ARHGAP8: variants seen among roughly 807,000 people sequenced by gnomAD.
ARHGAP8 encodes the protein Rho GTPase activating protein 8.
Under a neutral mutation model 46.1 loss-of-function variants are expected in ARHGAP8, and 62 were observed. The ratio of observed to expected loss-of-function variants is 1.34; its 90% confidence interval spans 1.10 to 1.66. ARHGAP8 has a LOEUF of 1.66. Among genes scored for constraint, ARHGAP8 ranks in the 40% most tolerant of loss-of-function variants. The pLI is 0.00. For missense variants in ARHGAP8, 923 were observed against 568.4 expected, an observed-to-expected ratio of 1.62 and a Z score of -6.34; for synonymous variants, 375 against 243.1, an observed-to-expected ratio of 1.54 and a Z score of -5.05.
At chr22:44,838,798 A>G (rs1422710638) in intron 7 of ARHGAP8, among the ~76,000 whole-genome samples, 1 of 152,178 alleles carries the variant, frequency 6.6e-6, no homozygotes, top group East Asian at 1.9e-4. Context: ...CCATTTGTTC[A>G]TCTGTGACAT....
At chr22:44,794,000 C>A (rs35007684) in intron 2 of ARHGAP8, among the ~76,000 whole-genome samples, 3,321 of 152,274 alleles carry the variant, frequency 0.022, 48 homozygotes, top group Non-Finnish European at 0.032. Context: ...CGAGGGAGGC[C>A]GGCCTCAGTG....
chr22:44,852,550 T>C (rs1173583527), intron 10 of ARHGAP8, among the ~76,000 whole-genome samples: 1 of 152,156 alleles, frequency 6.6e-6, no homozygotes, highest in Non-Finnish European at 1.5e-5. Flanking sequence ...TCTGGAACTT[T>C]CCCCAGGAAG....
intron 1 of ARHGAP8, among the ~76,000 whole-genome samples, chr22:44,769,552 G>A (rs1925845790): frequency 6.6e-6 from 1 of 152,326 alleles, no homozygotes; most frequent in African/African-American, 2.4e-5. Flanking sequence ...GAGAAGAGTT[G>A]ATATCGTTAA....
intron 8 of ARHGAP8, among the ~76,000 whole-genome samples, chr22:44,846,036 G>A (rs1317297852): frequency 6.6e-6 from 1 of 151,984 alleles, no homozygotes; most frequent in Non-Finnish European, 1.5e-5. Context: ...CACCACCAAG[G>A]CAGGGCTGGC....
intron 5 of ARHGAP8, 50 bp from the exon 6 acceptor site, chr22:44,822,321 T>C: frequency 6.6e-7 from 1 of 1,522,366 alleles, no homozygotes; most frequent in South Asian, 1.3e-5. Flanking sequence ...ACCCTCGGCC[T>C]CTCTGCTGGC....
rs570891794 is a variant in ARHGAP8 at position 44,857,500 on chromosome 22, G to A, written c.878-2231G>A. Among the ~76,000 whole-genome samples, 13 of 152,286 alleles carry A rather than the reference G, an allele frequency of 8.5e-5. No individual in the cohort carries two copies. The South Asian group carries it at 1.7e-3, about 19-fold the overall frequency. On this transcript the variant is annotated intron_variant, in intron 10 of 11. Transcript: ENST00000356099. ...AGTTGCACATGACATGGGTACCTTCGTAAGGAAACGAAGGCCCAGAGATCC... is the reference window on the plus strand; with the variant it reads ...AGTTGCACATGACATGGGTACCTTCATAAGGAAACGAAGGCCCAGAGATCC...
At chr22:44,828,246 C>T (rs956942860) in intron 7 of ARHGAP8, among the ~76,000 whole-genome samples, 2 of 152,152 alleles carry the variant, frequency 1.3e-5, no homozygotes, top group Non-Finnish European at 2.9e-5. Context: ...AATAGTACTT[C>T]CTTTTCCTTT....
chr22:44,780,823 T>C (rs1266363069), intron 1 of ARHGAP8, among the ~76,000 whole-genome samples: 1 of 152,220 alleles, frequency 6.6e-6, no homozygotes. Context: ...AGGATCATCC[T>C]CCTGGGTTGT....
intron 4 of ARHGAP8, among the ~76,000 whole-genome samples, chr22:44,810,222 C>T (rs145022276): frequency 1.3e-5 from 2 of 148,338 alleles, no homozygotes; most frequent in Non-Finnish European, 3.0e-5. Context: ...GGGAAAGGAT[C>T]TGCATATGGC....
intron 1 of ARHGAP8, among the ~76,000 whole-genome samples, chr22:44,763,959 C>T (rs1417679017): frequency 2.0e-5 from 3 of 151,832 alleles, no homozygotes; most frequent in Admixed American, 6.6e-5. Context: ...TACAGGTGCC[C>T]GCCACCACGC....
At chr22:44,828,477 T>C (rs548010273) in intron 7 of ARHGAP8, among the ~76,000 whole-genome samples, 71 of 146,190 alleles carry the variant, frequency 4.9e-4, no homozygotes, top group Non-Finnish European at 8.8e-4. Context: ...TGAAATGGAG[T>C]CTCACTCTGT....
At chr22:44,855,420 C>T (rs2070196531) in intron 10 of ARHGAP8, among the ~76,000 whole-genome samples, 2 of 152,252 alleles carry the variant, frequency 1.3e-5, no homozygotes, top group South Asian at 2.1e-4. Flanking sequence ...CCACCTCAGC[C>T]TCCCAAAGTG....
chr22:44,831,776 G>A (rs945141089), intron 7 of ARHGAP8, among the ~76,000 whole-genome samples: 1 of 152,084 alleles, frequency 6.6e-6, no homozygotes, highest in African/African-American at 2.4e-5. Context: ...TAAACATGAG[G>A]GTTTATTTCT....
chr22:44,855,582 C>G (rs1304471265), intron 10 of ARHGAP8, among the ~76,000 whole-genome samples: 2 of 152,128 alleles, frequency 1.3e-5, no homozygotes, highest in African/African-American at 4.8e-5. Context: ...TTTCTTTGGC[C>G]AGTTTGTTTC....
chr22:44,842,344 G>A (rs958942588), intron 7 of ARHGAP8, among the ~76,000 whole-genome samples: 1 of 152,076 alleles, frequency 6.6e-6, no homozygotes, highest in Non-Finnish European at 1.5e-5. Flanking sequence ...GGGACAGAGC[G>A]AGACTCCATC....
At chr22:44,785,891 C>T (rs996320165) in intron 1 of ARHGAP8, among the ~76,000 whole-genome samples, 1 of 152,108 alleles carries the variant, frequency 6.6e-6, no homozygotes, top group Non-Finnish European at 1.5e-5. Flanking sequence ...TGCTGGCTGC[C>T]AGTGTCAGGG....
At chr22:44,802,017 G>A in intron 2 of ARHGAP8, 60 bp from the exon 3 acceptor site, 1 of 1,603,148 alleles carries the variant, frequency 6.2e-7, no homozygotes, top group Non-Finnish European at 8.5e-7. Context: ...TTTTTGCTAA[G>A]TGCCTGAGGA....
intron 4 of ARHGAP8, among the ~76,000 whole-genome samples, chr22:44,814,390 C>T (rs976053656): frequency 2.6e-5 from 4 of 152,180 alleles, no homozygotes; most frequent in African/African-American, 4.8e-5. Flanking sequence ...GCTCCAGCCA[C>T]CCCCGACCCT....
At chr22:44,768,694 GC>G (rs1422477729) in intron 1 of ARHGAP8, among the ~76,000 whole-genome samples, 1 of 152,128 alleles carries the variant, frequency 6.6e-6, no homozygotes, top group Non-Finnish European at 1.5e-5. Context: ...TTCAGATGAA[GC>G]CTTTTGGGCA....
Sources: allele counts gnomAD v4.1 joint callset (sites outside exome capture counted in the v4.1 genomes callset), GRCh38; gene constraint gnomAD v4.1.1; transcripts MANE v1.5; gene names NCBI Gene and HGNC (gene_info 2026-07-23, HGNC 2026-07-21).